Variants in TMEM108 observed in about 807,000 individuals in gnomAD.
The protein encoded by TMEM108 is transmembrane protein 108, also known as cancer/testis antigen 124.
A neutral mutation model predicts 35.1 loss-of-function variants in TMEM108; 12 were observed. That is an observed-to-expected ratio of 0.34 (90% CI 0.22 to 0.55). The LOEUF (loss-of-function observed/expected upper bound fraction) is 0.55, where lower values mean the gene tolerates loss of function less well. Ranked by LOEUF, TMEM108 falls within the 20% of genes least tolerant of loss-of-function variation. TMEM108 has a pLI of 0.89. For missense variants in TMEM108, 680 were observed against 753.3 expected (o/e 0.90, Z 1.14); for synonymous variants, 287 against 308.6 (o/e 0.93, Z 0.73).
intron 2 of TMEM108, among the ~76,000 whole-genome samples, chr3:133,108,096 T>C (rs1436584560): frequency 6.6e-6 from 1 of 152,142 alleles, no homozygotes; most frequent in Non-Finnish European, 1.5e-5. Flanking sequence ...CCAGGCATGA[T>C]GGTGCGTGCC....
intron 2 of TMEM108, among the ~76,000 whole-genome samples, chr3:133,086,477 T>G (rs1404011296): frequency 6.6e-6 from 1 of 152,232 alleles, no homozygotes; most frequent in Non-Finnish European, 1.5e-5. Context: ...GATATGTGTC[T>G]GCTTCATTTC....
intron 3 of TMEM108, among the ~76,000 whole-genome samples, chr3:133,306,868 A>G (rs779787360): frequency 2.5e-4 from 38 of 152,098 alleles, no homozygotes; most frequent in Non-Finnish European, 1.0e-4. Context: ...ATGATTTATA[A>G]TTCTTTGGGT....
Position 133,202,895 on chromosome 3 carries a change from T to C in TMEM108, c.-46-26371T>C, listed in dbSNP as rs540366730. 2.0e-5 allele frequency among the ~76,000 whole-genome samples: 3 copies of C among 152,348 alleles called. No individual in the cohort carries two copies. In the South Asian group the frequency reaches 6.2e-4, roughly 32 times the overall value. ...AATTACTTTTGGCAGTATGGCCATT[T>C]TCATGATATTGATTCTTCCTATCCA... On this transcript the variant is annotated intron_variant, in intron 2 of 5. Transcript: ENST00000321871.
At chr3:133,058,869 T>A (rs985935172) in intron 2 of TMEM108, among the ~76,000 whole-genome samples, 1 of 152,226 alleles carries the variant, frequency 6.6e-6, no homozygotes, top group Non-Finnish European at 1.5e-5. Flanking sequence ...TAGCAGGAGC[T>A]GAGATATGGG....
At position 133,205,197 on chromosome 3, in the gene TMEM108, C is replaced by T. The variant is rs929743608; in HGVS notation, c.-46-24069C>T. Among the ~76,000 whole-genome samples the T allele has an allele frequency of 2.0e-5, 3 of 151,136 alleles. No homozygotes were observed. The South Asian group carries it at 6.3e-4, about 32-fold the overall frequency. ...CATCCCTTTATTTTGAGCCTATGTG[C>T]GTCCTTGCACATGAGATGGGTCTCC... On this transcript the variant is annotated intron_variant, in intron 2 of 5. Transcript: ENST00000321871.
chr3:133,175,386 T>A (rs990081546), intron 2 of TMEM108, among the ~76,000 whole-genome samples: 1 of 151,756 alleles, frequency 6.6e-6, no homozygotes, highest in Admixed American at 6.6e-5. Context: ...AGATTCAAGT[T>A]GAAATGAGGG....
chr3:133,287,096 C>G (rs1418353358), intron 3 of TMEM108, among the ~76,000 whole-genome samples: 1 of 152,122 alleles, frequency 6.6e-6, no homozygotes, highest in Non-Finnish European at 1.5e-5. Context: ...CCCTCAAAGA[C>G]CTGCCTTGGT....
rs140530373 is a variant in TMEM108, at chr3:133,319,437, C to T, written c.41-60315C>T. Among the ~76,000 whole-genome samples, 55 of 152,260 alleles carry T rather than the reference C, an allele frequency of 3.6e-4. 1 individual carries two copies. The highest frequency in any genetic ancestry group is 5.1e-4 in the Non-Finnish European group (35 of 68,012). ...GTAGGCCAACCAACTCAGGACATTA[C>T]GGAAACTCATGACAGAACAACCCTG... On this transcript the variant is annotated intron_variant, in intron 3 of 5. Coordinates refer to ENST00000321871, the MANE Select transcript of TMEM108 (RefSeq NM_023943.4).
intron 3 of TMEM108, among the ~76,000 whole-genome samples, chr3:133,273,977 T>C (rs1039509597): frequency 5.9e-5 from 9 of 152,198 alleles, no homozygotes; most frequent in African/African-American, 2.2e-4. Flanking sequence ...TTCTTGTCTA[T>C]TTTACTAATG....
chr3:133,180,422 A>G (rs563632670), intron 2 of TMEM108, among the ~76,000 whole-genome samples: 12 of 152,116 alleles, frequency 7.9e-5, no homozygotes, highest in Admixed American at 5.9e-4. Context: ...TCCAGTAACA[A>G]TGTTTTTACA....
chr3:133,088,285 A>G (rs371308698), intron 2 of TMEM108, among the ~76,000 whole-genome samples: 7 of 152,242 alleles, frequency 4.6e-5, no homozygotes, highest in African/African-American at 1.7e-4. Flanking sequence ...AGGTGGCAGA[A>G]CATGAAGGTG....
Position 133,396,048 on chromosome 3 carries a change from A to G in TMEM108, c.*62A>G. On this transcript the variant is annotated 3_prime_UTR_variant, in exon 6 of 6. Transcript: ENST00000321871. ...GTCTCTAAATTATAAATATACAAAT[A>G]CATATATTATAAATATAACCTTTGT... 1 of 1,207,974 alleles carries G rather than the reference A, an allele frequency of 8.3e-7. No homozygotes were observed. Among genetic ancestry groups the G allele is most frequent in the Non-Finnish European group, 1.1e-6 (1 of 946,282 alleles). The allele number at this position is 1,207,974 out of a possible 1,614,324, so 74.8% of individuals were successfully genotyped here. A position where few individuals can be genotyped will look rare whatever the true frequency, so the allele number is the denominator to read the frequency against.
intron 2 of TMEM108, among the ~76,000 whole-genome samples, chr3:133,107,480 GTGTGTGTGTGTGTGTGTA>G (rs917672957): frequency 4.0e-5 from 6 of 151,726 alleles, no homozygotes; most frequent in African/African-American, 1.2e-4. Flanking sequence ...GTGTGTGTGT[GTGTGTGTGTGTGTGTGTA>G]TAAAATGATT....
chr3:133,251,437 A>G (rs1459921348), intron 3 of TMEM108, among the ~76,000 whole-genome samples: 1 of 152,186 alleles, frequency 6.6e-6, no homozygotes, highest in Non-Finnish European at 1.5e-5. Flanking sequence ...TGTTTCAGTC[A>G]GTATAGGCCA....
chr3:133,229,930 A>G (rs1946127789), intron 3 of TMEM108, among the ~76,000 whole-genome samples: 1 of 152,228 alleles, frequency 6.6e-6, no homozygotes. Context: ...CACATCACTC[A>G]TGTGTTTTGG....
chr3:133,290,233 A>G (rs1947043773), intron 3 of TMEM108, among the ~76,000 whole-genome samples: 1 of 152,214 alleles, frequency 6.6e-6, no homozygotes, highest in African/African-American at 2.4e-5. Context: ...AATTTGGTAA[A>G]GACCTGAAAG....
chr3:133,194,587 T>G (rs1419934870), intron 2 of TMEM108, among the ~76,000 whole-genome samples: 2 of 152,098 alleles, frequency 1.3e-5, no homozygotes, highest in African/African-American at 4.8e-5. Context: ...TTTTTTTTTT[T>G]TCTGATCAGC....
intron 1 of TMEM108, among the ~76,000 whole-genome samples, chr3:133,041,089 A>G (rs1314467677): frequency 1.3e-5 from 2 of 152,200 alleles, no homozygotes; most frequent in Non-Finnish European, 2.9e-5. Flanking sequence ...ATAGGGAAGC[A>G]TTGGGGAAAG....
intron 3 of TMEM108, among the ~76,000 whole-genome samples, chr3:133,328,012 G>A (rs1014912705): frequency 5.3e-5 from 8 of 152,046 alleles, no homozygotes; most frequent in African/African-American, 1.9e-4. Flanking sequence ...CCTTTGTTGT[G>A]GACTAATTTT....
Sources: allele counts gnomAD v4.1 joint callset (sites outside exome capture counted in the v4.1 genomes callset), GRCh38; gene constraint gnomAD v4.1.1; transcripts MANE v1.5; gene names NCBI Gene and HGNC (gene_info 2026-07-23, HGNC 2026-07-21).